Variants in SEC24D observed in about 807,000 individuals in gnomAD.
SEC24D encodes the protein SEC24 homolog D, COPII component, also known as protein transport protein Sec24D.
In SEC24D, 69 loss-of-function variants were observed where a neutral mutation model predicts 116.9. The ratio of observed to expected loss-of-function variants is 0.59; its 90% CI spans 0.49 to 0.72. The LOEUF (loss-of-function observed/expected upper bound fraction) is 0.72, where lower values mean the gene tolerates loss of function less well. SEC24D is among the 30% of genes least tolerant of loss of function. The pLI, the probability that SEC24D is intolerant of heterozygous loss-of-function variation, is 0.00. For missense variants in SEC24D, 1,131 were observed against 1,264.1 expected, an observed-to-expected ratio of 0.89 and a Z score of 1.60; for synonymous variants, 405 against 442.8, an observed-to-expected ratio of 0.91 and a Z score of 1.07.
At chr4:118,755,791 A>G (rs1366026805) in intron 11 of SEC24D, among the ~76,000 whole-genome samples, 1 of 152,222 alleles carries the variant, frequency 6.6e-6, no homozygotes, top group Non-Finnish European at 1.5e-5. Flanking sequence ...ATTTCAGGGG[A>G]GAAGAAACAA....
chr4:118,806,785 A>T (rs1729698032), intron 6 of SEC24D, among the ~76,000 whole-genome samples: 1 of 152,168 alleles, frequency 6.6e-6, no homozygotes, highest in Admixed American at 6.5e-5. Flanking sequence ...GGAGTTCAAG[A>T]ATAGCCTGGG....
chr4:118,729,885 C>CTA (rs1342990720), intron 21 of SEC24D: 1 of 152,204 alleles, frequency 6.6e-6, no homozygotes, highest in Non-Finnish European at 1.5e-5. Flanking sequence ...CTCCCATCCC[C>CTA]TATATGCATT....
In SEC24D at chr4:118,800,097, C is replaced by T. The variant is rs532299778; in HGVS notation, c.914-2287G>A. On this transcript the variant is annotated intron_variant, in intron 7 of 22. Transcript: ENST00000280551. ...CAGATTGCTCACTGAGGGCCAAATG[C>T]AGGTGGGCACAGTGGGAGGATGCGC... Among the ~76,000 whole-genome samples the T allele has an allele frequency of 3.9e-5, 6 of 152,144 alleles. No homozygotes were observed. In the East Asian group the frequency reaches 1.2e-3, roughly 29 times the overall value.
At chr4:118,831,440 T>C (rs746831391) in intron 2 of SEC24D, among the ~76,000 whole-genome samples, 3 of 152,110 alleles carry the variant, frequency 2.0e-5, no homozygotes, top group Non-Finnish European at 2.9e-5. Flanking sequence ...ATGATGAATA[T>C]GGAATTGTTT....
intron 8 of SEC24D, among the ~76,000 whole-genome samples, chr4:118,794,451 G>A (rs939238838): frequency 4.6e-5 from 7 of 152,044 alleles, no homozygotes; most frequent in Non-Finnish European, 8.8e-5. Context: ...CATTAACAAG[G>A]TGCAGCCAAA....
chr4:118,797,475 C>T (rs1308453421), intron 8 of SEC24D, among the ~76,000 whole-genome samples: 10 of 152,144 alleles, frequency 6.6e-5, no homozygotes, highest in Non-Finnish European at 1.2e-4. Context: ...GTGACGCAGT[C>T]CATCTGTATT....
chr4:118,792,786 C>T (rs1728988492), intron 8 of SEC24D, among the ~76,000 whole-genome samples: 1 of 152,120 alleles, frequency 6.6e-6, no homozygotes, highest in African/African-American at 2.4e-5. Flanking sequence ...CTAGGAAAAC[C>T]AGAGACCTTT....
intron 22 of SEC24D, among the ~76,000 whole-genome samples, chr4:118,726,028 C>A (rs1257095990): frequency 1.3e-5 from 2 of 152,182 alleles, no homozygotes; most frequent in African/African-American, 2.4e-5. Flanking sequence ...CTGCTTGTCA[C>A]CTCCTTGCTT....
rs1727549298 is a variant in SEC24D at position 118,764,624 on chromosome 4, G to GCAAAC, written c.1296+177_1296+178insGTTTG. On this transcript the variant is annotated intron_variant, in intron 10 of 22. Coordinates refer to ENST00000280551, the MANE Select transcript of SEC24D (RefSeq NM_014822.4). ...AATAATTCCTCCAGTAGATGGTTTGGCAGTTGAATCATGTTAACAACCTAG... is the reference window on the plus strand; with the variant it reads ...AATAATTCCTCCAGTAGATGGTTTGGCAAACCAGTTGAATCATGTTAACAACCTAG... 22 of 495,626 alleles carry GCAAAC rather than the reference G, an allele frequency of 4.4e-5. 1 individual carries two copies. The South Asian group carries it at 7.9e-4, about 18-fold the overall frequency. 30.7% of individuals were successfully genotyped at this position (495,626 alleles called of 1,614,324 possible).
At chr4:118,819,105 C>T (rs1730279483) in intron 3 of SEC24D, among the ~76,000 whole-genome samples, 1 of 152,172 alleles carries the variant, frequency 6.6e-6, no homozygotes, top group South Asian at 2.1e-4. Flanking sequence ...TCCTGCATGA[C>T]ACATTTAAAA....
Position 118,744,966 on chromosome 4 carries a change from A to C in SEC24D, c.1802T>G (p.Leu601Arg). ...GKLKNRDDKK[L>R]VNTDKEKILF... is the part of the protein sequence containing the mutation. ...TACCTTCTCTTTGTCTGTATTAACC[A>C]GTTTTTTGTCATCTCTGTTTTTGAG... Residue 601 changes from leucine (L) to arginine (R), a missense_variant, in exon 14 of 23, where the codon CTG becomes CGG. Leu to Arg is a moderately radical substitution (Grantham distance 102). Transcript: ENST00000280551. 2 of 1,606,380 alleles carry C rather than the reference A, an allele frequency of 1.2e-6. No individual in the cohort carries two copies. Among genetic ancestry groups the C allele is most frequent in the Non-Finnish European group, 1.7e-6 (2 of 1,173,778 alleles).
At chr4:118,779,487 C>T (rs1346735608) in intron 8 of SEC24D, among the ~76,000 whole-genome samples, 2 of 152,130 alleles carry the variant, frequency 1.3e-5, no homozygotes, top group East Asian at 1.9e-4. Flanking sequence ...TTTTGATGTG[C>T]TGTTGGATTC....
chr4:118,738,431 T>G, intron 18 of SEC24D, 52 bp from the exon 19 acceptor site: 2 of 1,183,584 alleles, frequency 1.7e-6, no homozygotes, highest in East Asian at 4.7e-5. Flanking sequence ...GACACTGATC[T>G]CTTCAAATAA....
At chr4:118,751,124 C>G (rs543983069) in intron 13 of SEC24D, among the ~76,000 whole-genome samples, 20 of 147,266 alleles carry the variant, frequency 1.4e-4, no homozygotes, top group African/African-American at 4.2e-4. Context: ...CTGTCAGGGC[C>G]AAAATGGTTT....
At position 118,815,151 on chromosome 4, in the gene SEC24D, G is replaced by A; in HGVS notation, c.678C>T (p.Asn226=). The change falls in exon 6 of 23, where the codon AAC becomes AAT. Residue 226 remains asparagine, a synonymous_variant. Transcript: ENST00000280551. ...LGAGYPPQQA[N]SGPQMAGAQL... is the part of the protein sequence containing the mutation. ...GTGCGCCTGCCATCTGGGGACCAGA[G>A]TTGGCTGCTTGGAAAAAATTTAAAG... The A allele has an allele frequency of 6.2e-7, 1 of 1,613,936 alleles. No individual in the cohort carries two copies.
At chr4:118,759,404 G>A (rs1380113591) in intron 10 of SEC24D, among the ~76,000 whole-genome samples, 1 of 152,126 alleles carries the variant, frequency 6.6e-6, no homozygotes, top group African/African-American at 2.4e-5. Context: ...CTAGATAACT[G>A]TCATGGCTTC....
At chr4:118,821,183 GA>G (rs1730386219) in intron 3 of SEC24D, among the ~76,000 whole-genome samples, 1 of 152,048 alleles carries the variant, frequency 6.6e-6, no homozygotes, top group East Asian at 1.9e-4. Context: ...TAAAATTGAA[GA>G]AAAAACAACT....
chr4:118,803,308 C>T (rs1388782740), intron 7 of SEC24D, among the ~76,000 whole-genome samples: 1 of 152,088 alleles, frequency 6.6e-6, no homozygotes, highest in East Asian at 1.9e-4. Flanking sequence ...CCACAAGTCC[C>T]TCAAAAAACA....
intron 8 of SEC24D, among the ~76,000 whole-genome samples, chr4:118,789,680 G>T (rs1172055087): frequency 1.3e-5 from 2 of 152,220 alleles, no homozygotes; most frequent in Non-Finnish European, 2.9e-5. Flanking sequence ...TGCCTCCCGG[G>T]TTTAAGTGAT....
Sources: gnomAD v4.1 joint callset for allele counts (sites outside exome capture counted in the v4.1 genomes callset) on GRCh38, gnomAD v4.1.1 for gene constraint, MANE v1.5 for transcripts, NCBI Gene and HGNC (gene_info 2026-07-23, HGNC 2026-07-21) for gene names.